Variants in FRAS1 observed in about 807,000 individuals in gnomAD.
FRAS1 encodes extracellular matrix organizing protein FRAS1.
In FRAS1, 290 loss-of-function variants were observed where a neutral mutation model predicts 435.2. That is an observed-to-expected ratio of 0.67 (90% CI 0.61 to 0.73). The LOEUF (loss-of-function observed/expected upper bound fraction) is 0.73, where lower values mean the gene tolerates loss of function less well. Ranked by LOEUF, FRAS1 falls within the 30% of genes least tolerant of loss-of-function variation. The pLI, the probability that FRAS1 is intolerant of heterozygous loss-of-function variation, is 0.00. For missense variants in FRAS1, 4,860 were observed against 5,001.5 expected, an observed-to-expected ratio of 0.97 and a Z score of 0.85; for synonymous variants, 1,800 against 1,851.0, an observed-to-expected ratio of 0.97 and a Z score of 0.71.
At chr4:78,277,350 G>A (rs1727098487) in intron 9 of FRAS1, among the ~76,000 whole-genome samples, 1 of 152,170 alleles carries the variant, frequency 6.6e-6, no homozygotes, top group Admixed American at 6.5e-5. Context: ...AAGCCCCAGT[G>A]AGATATACCC....
intron 2 of FRAS1, among the ~76,000 whole-genome samples, chr4:78,110,247 C>A (rs1270540204): frequency 3.6e-5 from 3 of 83,928 alleles, no homozygotes; most frequent in East Asian, 5.9e-4. Flanking sequence ...TTGGAAAAAA[C>A]TACTTTAAAG....
intron 2 of FRAS1, among the ~76,000 whole-genome samples, chr4:78,090,534 G>A (rs1211605189): frequency 6.6e-6 from 1 of 152,070 alleles, no homozygotes; most frequent in African/African-American, 2.4e-5. Flanking sequence ...GGCTTTGTAG[G>A]TCAAAGAGGC....
At position 78,363,487 on chromosome 4, in the gene FRAS1, T is replaced by C. The variant is rs892116624; in HGVS notation, c.2423-26T>C. On this transcript the variant is annotated intron_variant, in intron 20 of 73. Transcript: ENST00000512123. ...TTTGTGCTCATGAGCACCCGTGCCT[T>C]CTCTGTGCTCCCCTTCCCCCTCCAG... 8 of 1,592,178 alleles carry C rather than the reference T, an allele frequency of 5.0e-6. No homozygotes were observed. In the Middle Eastern group the frequency reaches 1.1e-3, roughly 209 times the overall value.
Position 78,309,439 on chromosome 4 carries a change from A to C in FRAS1, c.1678+1230A>C, listed in dbSNP as rs141377857. ...CTGCCTGGGACATAGTAAGCATTCT[A>C]TCAGTGTTTGGTGTTTAATCCTCAC... On this transcript the variant is annotated intron_variant, in intron 15 of 73. Coordinates refer to ENST00000512123, the MANE Select transcript of FRAS1 (RefSeq NM_025074.7). 8.2e-4 allele frequency among the ~76,000 whole-genome samples: 125 copies of C among 152,342 alleles called. 1 individual carries two copies. The East Asian group carries it at 0.024, about 29-fold the overall frequency.
chr4:78,485,326 CAT>C (rs1425354077), intron 58 of FRAS1, among the ~76,000 whole-genome samples: 1 of 152,160 alleles, frequency 6.6e-6, no homozygotes, highest in Non-Finnish European at 1.5e-5. Flanking sequence ...ACTCCAGTAA[CAT>C]ATAGAGTCCT....
At position 78,340,388 on chromosome 4, in the gene FRAS1, T is replaced by C. The variant is rs138948008; in HGVS notation, c.2422+2571T>C. 6.9e-4 allele frequency among the ~76,000 whole-genome samples: 105 copies of C among 152,344 alleles called. 1 individual carries two copies. The Middle Eastern group carries it at 0.027, about 39-fold the overall frequency. On this transcript the variant is annotated intron_variant, in intron 20 of 73. Coordinates refer to ENST00000512123, the MANE Select transcript of FRAS1 (RefSeq NM_025074.7). ...AAAGTTTGATCAGTAATTTCAGTTA[T>C]TGAACTTTCAGAGAACTGTGCTGAC...
At chr4:78,476,910 A>G (rs1015897123) in intron 54 of FRAS1, among the ~76,000 whole-genome samples, 2 of 152,000 alleles carry the variant, frequency 1.3e-5, no homozygotes, top group Non-Finnish European at 2.9e-5. Flanking sequence ...AGTATAGTCC[A>G]GGCTCATTTC....
intron 67 of FRAS1, among the ~76,000 whole-genome samples, chr4:78,519,701 G>C (rs992100779): frequency 9.2e-5 from 14 of 152,190 alleles, no homozygotes; most frequent in African/African-American, 3.4e-4. Context: ...AGGTCCCAGC[G>C]TAGAGGATGG....
chr4:78,161,331 C>G, intron 2 of FRAS1, among the ~76,000 whole-genome samples: 1 of 152,022 alleles, frequency 6.6e-6, no homozygotes, highest in Non-Finnish European at 1.5e-5. Context: ...TATGACAATA[C>G]ATAGAATTTA....
rs751311841 is a variant in FRAS1 at position 78,489,086 on chromosome 4, T to G, written c.8958+6T>G. ...CATTTCTCAAAGGGGACAAAGTAAG[T>G]GGATTGGTGGTGGCTGAAAGATGAG... On this transcript the variant is annotated splice_donor_region_variant and intron_variant, in intron 59 of 73. Coordinates refer to ENST00000512123, the MANE Select transcript of FRAS1 (RefSeq NM_025074.7). 2 of 1,607,180 alleles carry G rather than the reference T, an allele frequency of 1.2e-6. No homozygotes were observed. The highest frequency in any genetic ancestry group is 1.7e-6 in the Non-Finnish European group (2 of 1,176,444).
chr4:78,420,993 T>C (rs1733767821), intron 33 of FRAS1, among the ~76,000 whole-genome samples: 1 of 148,368 alleles, frequency 6.7e-6, no homozygotes, highest in Non-Finnish European at 1.5e-5. Context: ...ATCTGCAAGC[T>C]GAGGAGCAAG....
At chr4:78,273,614 G>A (rs527413304) in intron 9 of FRAS1, among the ~76,000 whole-genome samples, 13 of 152,238 alleles carry the variant, frequency 8.5e-5, no homozygotes, top group East Asian at 7.7e-4. Context: ...GCTGGATTAC[G>A]TTTATTGTTT....
At position 78,363,958 on chromosome 4, in the gene FRAS1, T is replaced by C; in HGVS notation, c.2626T>C (p.Ser876Pro). Residue 876 changes from serine to proline, a missense_variant, in exon 22 of 74, where the codon TCC becomes CCC. By Grantham distance (74) the Ser-to-Pro change is moderately conservative. Transcript: ENST00000512123. ...CCAGGGCAGAGGACCTTTCTCCTGCTCCTCATGTGACACCAACCTCGTGCT... is the reference window on the plus strand; with the variant it reads ...CCAGGGCAGAGGACCTTTCTCCTGCCCCTCATGTGACACCAACCTCGTGCT... ...TCQGRGPFSCSSCDTNLVLSH... is the reference protein window; with the variant it reads ...TCQGRGPFSCPSCDTNLVLSH... The C allele has an allele frequency of 6.2e-7, 1 of 1,613,482 alleles. No individual in the cohort carries two copies. Among genetic ancestry groups the C allele is most frequent in the Non-Finnish European group, 8.5e-7 (1 of 1,179,718 alleles).
At chr4:78,508,097 G>C (rs1246253677) in intron 62 of FRAS1, among the ~76,000 whole-genome samples, 1 of 152,124 alleles carries the variant, frequency 6.6e-6, no homozygotes, top group Admixed American at 6.5e-5. Context: ...TATATTTATA[G>C]AATTAAGTAC....
chr4:78,340,117 G>A (rs1730340991), intron 20 of FRAS1, among the ~76,000 whole-genome samples: 1 of 152,144 alleles, frequency 6.6e-6, no homozygotes, highest in South Asian at 2.1e-4. Flanking sequence ...TAGGTGATTA[G>A]GACTTGCATT....
At chr4:78,311,315 T>G (rs1268662163) in intron 15 of FRAS1, among the ~76,000 whole-genome samples, 1 of 152,206 alleles carries the variant, frequency 6.6e-6, no homozygotes, top group Non-Finnish European at 1.5e-5. Flanking sequence ...ATGTATTTAA[T>G]TTTCTTGAGA....
At chr4:78,408,230 C>T (rs1733181610) in intron 31 of FRAS1, among the ~76,000 whole-genome samples, 1 of 151,616 alleles carries the variant, frequency 6.6e-6, no homozygotes. Context: ...TGTTGTCTCC[C>T]ACCGGGTCCC....
At chr4:78,188,521 T>C (rs2866997) in intron 2 of FRAS1, among the ~76,000 whole-genome samples, 146,180 of 152,286 alleles carry the variant, frequency 0.96, 70,432 homozygotes, top group East Asian at 1. Context: ...CAGCTCTACT[T>C]ATAAGGCCTT....
At chr4:78,238,675 T>G (rs1458231427) in intron 3 of FRAS1, among the ~76,000 whole-genome samples, 1 of 152,118 alleles carries the variant, frequency 6.6e-6, no homozygotes, top group Non-Finnish European at 1.5e-5. Context: ...GGGTAAATAT[T>G]CCTAAAAAAA....
Sources: gnomAD v4.1 joint callset for allele counts (sites outside exome capture counted in the v4.1 genomes callset) on GRCh38, gnomAD v4.1.1 for gene constraint, MANE v1.5 for transcripts, NCBI Gene and HGNC (gene_info 2026-07-23, HGNC 2026-07-21) for gene names.